The following TCF7L1 variants were observed in gnomAD, a reference collection of about 807,000 sequenced individuals.
TCF7L1 encodes transcription factor 7-like 1.
A neutral mutation model predicts 63.7 loss-of-function variants in TCF7L1; 18 were observed. The ratio of observed to expected loss-of-function variants is 0.28; its 90% CI spans 0.20 to 0.42. The LOEUF (loss-of-function observed/expected upper bound fraction) is 0.42. Among genes scored for constraint, TCF7L1 ranks in the 10% least tolerant of loss-of-function variants. The probability of loss-of-function intolerance (pLI) is 1.00; values close to 1 mark genes in which losing one functional copy is unlikely to be tolerated. For synonymous variants in TCF7L1, 355 were observed against 340.9 expected, an observed-to-expected ratio of 1.04 and a Z score of -0.46; for missense variants, 654 against 779.3, an observed-to-expected ratio of 0.84 and a Z score of 1.91.
chr2:85,284,127 C>G (rs1414249699), intron 4 of TCF7L1, among the ~76,000 whole-genome samples: 3 of 152,244 alleles, frequency 2.0e-5, no homozygotes, highest in Admixed American at 6.5e-5. Context: ...TCTCCTGCCT[C>G]AGCCTCCCAA....
Position 85,133,650 on chromosome 2 carries a change from C to A in TCF7L1, c.-35C>A, listed in dbSNP as rs1677509555. ...CGGGCAGGGCGCGGGCGGCTAGGGG[C>A]TCCGAGAGCGGCGGCCCCGGCCCGC... On this transcript the variant is annotated 5_prime_UTR_variant, in exon 1 of 12. Transcript: ENST00000282111. The surrounding 1 kb of genome is among the most constrained non-coding windows in gnomAD (Gnocchi z 4.4). 13 of 871,130 alleles carry A rather than the reference C, an allele frequency of 1.5e-5. No individual in the cohort carries two copies. The highest frequency in any genetic ancestry group is 1.8e-5 in the Non-Finnish European group (13 of 727,682). The allele number at this position is 871,130 out of a possible 1,614,324, so 54.0% of individuals were successfully genotyped here.
chr2:85,182,522 G>C (rs1045205701), intron 3 of TCF7L1, among the ~76,000 whole-genome samples: 1 of 152,306 alleles, frequency 6.6e-6, no homozygotes, highest in East Asian at 1.9e-4. Context: ...CGGTCAGGCT[G>C]TTCCAGGCAG....
At chr2:85,226,915 C>T (rs1302685167) in intron 3 of TCF7L1, among the ~76,000 whole-genome samples, 1 of 148,054 alleles carries the variant, frequency 6.8e-6, no homozygotes, top group Non-Finnish European at 1.5e-5. Context: ...ATAAATTGAA[C>T]ACAAGGTCTT....
chr2:85,229,109 G>T (rs1573000708), intron 3 of TCF7L1, among the ~76,000 whole-genome samples: 1 of 152,180 alleles, frequency 6.6e-6, no homozygotes, highest in East Asian at 1.9e-4. Flanking sequence ...CACTTTGGGA[G>T]GCTGAGGCGT....
intron 3 of TCF7L1, among the ~76,000 whole-genome samples, chr2:85,203,443 C>G (rs1679324205): frequency 6.6e-6 from 1 of 152,122 alleles, no homozygotes; most frequent in African/African-American, 2.4e-5. Context: ...AAAATATATT[C>G]CAATCAGACA....
chr2:85,157,308 G>A (rs1678172072), intron 3 of TCF7L1, among the ~76,000 whole-genome samples: 1 of 152,204 alleles, frequency 6.6e-6, no homozygotes, highest in South Asian at 2.1e-4. Context: ...ACTACTGCTA[G>A]ATTGAGAACC....
chr2:85,274,676 C>T (rs189507029), intron 3 of TCF7L1, among the ~76,000 whole-genome samples: 1 of 152,336 alleles, frequency 6.6e-6, no homozygotes, highest in East Asian at 1.9e-4. Context: ...TTGAAATCAG[C>T]GGGAGTGTTT....
intron 3 of TCF7L1, among the ~76,000 whole-genome samples, chr2:85,235,658 A>G (rs1347599184): frequency 6.6e-6 from 1 of 152,098 alleles, no homozygotes; most frequent in Non-Finnish European, 1.5e-5. Context: ...TAGCCAAGGC[A>G]TTAGGATCTT....
intron 3 of TCF7L1, among the ~76,000 whole-genome samples, chr2:85,176,589 T>C (rs919834154): frequency 6.6e-6 from 1 of 152,186 alleles, no homozygotes; most frequent in African/African-American, 2.4e-5. Context: ...TGACCCCTCA[T>C]CCTTCATTAT....
At chr2:85,262,366 C>A in intron 3 of TCF7L1, 3 of 430,404 alleles carry the variant, frequency 7.0e-6, no homozygotes, top group South Asian at 2.0e-5. Context: ...GAGCAACTTC[C>A]AGAATCAAGA....
At chr2:85,163,629 C>T (rs371866461) in intron 3 of TCF7L1, among the ~76,000 whole-genome samples, 1 of 152,168 alleles carries the variant, frequency 6.6e-6, no homozygotes, top group African/African-American at 2.4e-5. Flanking sequence ...TAACAAAGTA[C>T]CGCATGCTAG....
chr2:85,191,873 C>A (rs1238587846), intron 3 of TCF7L1, among the ~76,000 whole-genome samples: 1 of 151,696 alleles, frequency 6.6e-6, no homozygotes, highest in East Asian at 1.9e-4. Context: ...TTGGATGTGA[C>A]CAACTTCCTA....
chr2:85,181,105 C>T (rs1413615993), intron 3 of TCF7L1, among the ~76,000 whole-genome samples: 1 of 152,192 alleles, frequency 6.6e-6, no homozygotes, highest in East Asian at 1.9e-4. Flanking sequence ...CCTGTGACCC[C>T]TCCTGAGTTG....
chr2:85,266,322 G>A (rs1680970485), intron 3 of TCF7L1, among the ~76,000 whole-genome samples: 1 of 152,160 alleles, frequency 6.6e-6, no homozygotes, highest in Admixed American at 6.5e-5. Context: ...CACAAGACAG[G>A]ATTTACTAAT....
At chr2:85,308,976 T>G (rs1291146498) in intron 11 of TCF7L1, 53 bp from the exon 12 acceptor site, 23 of 1,522,876 alleles carry the variant, frequency 1.5e-5, no homozygotes, top group Admixed American at 2.1e-5. Flanking sequence ...TTCCTCAGCC[T>G]CCTCCTCTCA....
intron 3 of TCF7L1, among the ~76,000 whole-genome samples, chr2:85,264,838 C>T (rs942357676): frequency 4.6e-5 from 7 of 152,060 alleles, no homozygotes; most frequent in South Asian, 2.1e-4. Flanking sequence ...GTGCTAACGC[C>T]GTTAGGAGTG....
In TCF7L1 at chr2:85,150,381, C is replaced by G. The variant is rs577588691; in HGVS notation, c.441+15931C>G. On this transcript the variant is annotated intron_variant, in intron 3 of 11. Coordinates refer to ENST00000282111, the MANE Select transcript of TCF7L1 (RefSeq NM_031283.3). ...CCTGAGTAGCTGAGACTACAGGCGC[C>G]CGCCACCACGCCTGGCTAATTATTT... Among the ~76,000 whole-genome samples the G allele has an allele frequency of 1.1e-3, 160 of 152,234 alleles. 3 individuals are homozygous for G. The South Asian group carries it at 0.032, about 30-fold the overall frequency.
intron 3 of TCF7L1, chr2:85,232,973 C>T (rs1680116647): frequency 6.6e-6 from 1 of 152,178 alleles, no homozygotes; most frequent in South Asian, 2.1e-4. Flanking sequence ...CTCCCTCTGT[C>T]ACCCAGGCTA....
At chr2:85,237,334 A>T (rs1277317981) in intron 3 of TCF7L1, among the ~76,000 whole-genome samples, 1 of 152,038 alleles carries the variant, frequency 6.6e-6, no homozygotes, top group East Asian at 1.9e-4. Context: ...AGGATCCTTC[A>T]CTGGATCCTT....
Sources: allele counts gnomAD v4.1 joint callset (sites outside exome capture counted in the v4.1 genomes callset), GRCh38; gene constraint gnomAD v4.1.1; non-coding constraint Gnocchi (gnomAD v3.1); transcripts MANE v1.5; gene names NCBI Gene and HGNC (gene_info 2026-07-23, HGNC 2026-07-21).